DDIAS: variants seen among roughly 807,000 people sequenced by gnomAD.
DDIAS encodes the protein DNA damage-induced apoptosis suppressor protein.
A neutral mutation model predicts 15.7 loss-of-function variants in DDIAS; 14 were observed. The ratio of observed to expected loss-of-function variants is 0.89; its 90% CI spans 0.59 to 1.39. The LOEUF is 1.39. Among genes scored for constraint, DDIAS ranks in the 40% most tolerant of loss-of-function variants. The pLI is 0.00. For missense variants in DDIAS, 1,035 were observed against 1,130.9 expected, an observed-to-expected ratio of 0.92 and a Z score of 1.22; for synonymous variants, 355 against 395.9, an observed-to-expected ratio of 0.90 and a Z score of 1.23.
intron 3 of DDIAS, among the ~76,000 whole-genome samples, chr11:82,919,513 A>G (rs1039200857): frequency 6.6e-6 from 1 of 152,186 alleles, no homozygotes; most frequent in Non-Finnish European, 1.5e-5. Context: ...TATTTTGTTA[A>G]GGATTTTAGC....
intron 3 of DDIAS, among the ~76,000 whole-genome samples, chr11:82,925,985 CA>C (rs35097776): frequency 0.49 from 66,969 of 135,866 alleles, 14,958 homozygotes; most frequent in Admixed American, 0.55. Context: ...GACACTGTCT[CA>C]AAAAAAAAAA....
At chr11:82,927,374 G>A (rs1402284417) in intron 3 of DDIAS, among the ~76,000 whole-genome samples, 1 of 151,556 alleles carries the variant, frequency 6.6e-6, no homozygotes, top group Non-Finnish European at 1.5e-5. Flanking sequence ...ATATGAATGG[G>A]TTGGTATAGA....
chr11:82,926,319 G>A lies in DDIAS; in HGVS notation c.114-2458G>A, dbSNP rs574490975. ...TCCCAGGCTGGACTCGAACTCCTGA[G>A]CTTGAGTGGTCTGCCCGCCACAGCC... On this transcript the variant is annotated intron_variant, in intron 3 of 5. Coordinates refer to ENST00000533655, the MANE Select transcript of DDIAS (RefSeq NM_145018.4). Among the ~76,000 whole-genome samples, 16 of 152,022 alleles carry A rather than the reference G, an allele frequency of 1.1e-4. No homozygotes were observed. The South Asian group carries it at 3.3e-3, about 32-fold the overall frequency.
Position 82,932,239 on chromosome 11 carries a change from T to A in DDIAS, c.901T>A (p.Tyr301Asn). 6.2e-7 allele frequency: 1 copy of A among 1,613,744 alleles called. No individual in the cohort carries two copies. Among genetic ancestry groups the A allele is most frequent in the South Asian group, 1.1e-5 (1 of 91,008 alleles). ...PIQDSWSLVS[Y>N]MDKKSTAEKL... The stretch of plus-strand genomic sequence containing the variant: ...TCAGGATTCATGGAGCCTTGTTTCA[T>A]ATATGGATAAAAAGAGTACAGCAGA... Residue 301 changes from tyrosine to asparagine, a missense_variant, in exon 6 of 6, where the codon TAT becomes AAT. Coordinates refer to ENST00000533655, the MANE Select transcript of DDIAS (RefSeq NM_145018.4).
chr11:82,929,019 G>A (rs1173822270), intron 4 of DDIAS, 81 bp downstream of exon 4: 6 of 1,459,154 alleles, frequency 4.1e-6, no homozygotes, highest in Non-Finnish European at 4.6e-6. Context: ...ATGCATTTTT[G>A]TAGAAAGATA....
intron 3 of DDIAS, among the ~76,000 whole-genome samples, chr11:82,928,479 G>A (rs1352370409): frequency 1.3e-5 from 2 of 152,078 alleles, no homozygotes; most frequent in African/African-American, 4.8e-5. Flanking sequence ...GATTACAGGT[G>A]TGAACCACCG....
chr11:82,916,709 C>A (rs1860639093), intron 3 of DDIAS, among the ~76,000 whole-genome samples: 1 of 152,150 alleles, frequency 6.6e-6, no homozygotes, highest in African/African-American at 2.4e-5. Flanking sequence ...ACAGTAGGCA[C>A]TGTGCTAGGA....
intron 3 of DDIAS, among the ~76,000 whole-genome samples, chr11:82,923,915 G>A (rs1860807262): frequency 6.6e-6 from 1 of 152,182 alleles, no homozygotes; most frequent in South Asian, 2.1e-4. Flanking sequence ...CAGATTATAA[G>A]CTGGAGAAGG....
Position 82,931,945 on chromosome 11 carries a change from C to CA in DDIAS, c.608dup (p.His203GlnfsTer10), listed in dbSNP as rs767971389. 1 of 1,614,082 alleles carries CA rather than the reference C, an allele frequency of 6.2e-7. No homozygotes were observed. Among genetic ancestry groups the CA allele is most frequent in the Non-Finnish European group, 8.5e-7 (1 of 1,179,952 alleles). On this transcript the variant is annotated frameshift_variant, in exon 6 of 6. Transcript: ENST00000533655. LOFTEE classifies it low-confidence loss of function (END_TRUNC). ...GTGTGACTCTCAGGCACCTAACAAT[C>CA]ACTTACTTGCTTTAGATCACTCAAA...
intron 3 of DDIAS, among the ~76,000 whole-genome samples, chr11:82,921,652 A>G (rs1860755799): frequency 7.6e-6 from 1 of 131,620 alleles, no homozygotes; most frequent in Non-Finnish European, 1.5e-5. Flanking sequence ...ATCTCGTCTC[A>G]CTGCACCCTC....
chr11:82,928,264 T>A lies in DDIAS; in HGVS notation c.114-513T>A, dbSNP rs1860910258. On this transcript the variant is annotated intron_variant, in intron 3 of 5. Coordinates refer to ENST00000533655, the MANE Select transcript of DDIAS (RefSeq NM_145018.4). ...CCCAGGCTGTAGTGCAGTGGTGCGATCTTGGCTGACTGCAAGATCCACCTC... is the reference window on the plus strand; with the variant it reads ...CCCAGGCTGTAGTGCAGTGGTGCGAACTTGGCTGACTGCAAGATCCACCTC... Among the ~76,000 whole-genome samples the A allele has an allele frequency of 2.2e-5, 3 of 137,106 alleles. 1 individual carries two copies. In the South Asian group the frequency reaches 7.5e-4, roughly 34 times the overall value. 89.9% of individuals were successfully genotyped at this position (137,106 alleles called of 152,430 possible).
Position 82,932,737 on chromosome 11 carries a change from A to G in DDIAS, c.1399A>G (p.Arg467Gly). ...CAGCAGGTTATCTGTGACTCCCCAGAGAACTACTGGAGCCCTGCATACACC... is the reference window on the plus strand; with the variant it reads ...CAGCAGGTTATCTGTGACTCCCCAGGGAACTACTGGAGCCCTGCATACACC... ...DHSRLSVTPQ[R>G]TTGALHTPPI... The change falls in exon 6 of 6, where the codon AGA becomes GGA. Residue 467 changes from arginine (R) to glycine (G), a missense_variant. Arg to Gly is a moderately radical substitution (Grantham distance 125, BLOSUM62 -2). Transcript: ENST00000533655. The G allele has an allele frequency of 1.2e-6, 2 of 1,614,084 alleles. No individual in the cohort carries two copies. The highest frequency in any genetic ancestry group is 1.1e-5 in the South Asian group (1 of 91,082).
chr11:82,929,294 T>G lies in DDIAS; in HGVS notation c.275+356T>G, dbSNP rs555106516. Among the ~76,000 whole-genome samples the G allele has an allele frequency of 8.4e-4, 128 of 152,334 alleles. 1 individual carries two copies. The highest frequency in any genetic ancestry group is 3.1e-3 in the Admixed American group (48 of 15,298). On this transcript the variant is annotated intron_variant, in intron 4 of 5. Transcript: ENST00000533655. ...GTTCCCCTGAGGCAGAAGAATCTAT[T>G]TGAGGGAATATTTGCATTTCAGAAA...
chr11:82,919,095 CTT>C (rs1328445664), intron 3 of DDIAS, among the ~76,000 whole-genome samples: 2 of 152,108 alleles, frequency 1.3e-5, no homozygotes, highest in Non-Finnish European at 2.9e-5. Flanking sequence ...CTTTCTTTCT[CTT>C]GTCTGATTGC....
chr11:82,917,679 A>G (rs1440792642), intron 3 of DDIAS, among the ~76,000 whole-genome samples: 1 of 152,162 alleles, frequency 6.6e-6, no homozygotes, highest in Non-Finnish European at 1.5e-5. Flanking sequence ...GGATTGCTGG[A>G]TCAAATAGTA....
chr11:82,912,336 ACTTAT>A (rs1189257717), intron 1 of DDIAS, among the ~76,000 whole-genome samples: 7 of 152,170 alleles, frequency 4.6e-5, no homozygotes, highest in Non-Finnish European at 8.8e-5. Flanking sequence ...GTTAAGATCT[ACTTAT>A]CTTAACTAGA....
intron 3 of DDIAS, among the ~76,000 whole-genome samples, chr11:82,923,648 G>T (rs976068238): frequency 6.6e-6 from 1 of 152,188 alleles, no homozygotes; most frequent in Non-Finnish European, 1.5e-5. Context: ...AGGGAGATGG[G>T]ATTAGAGTAG....
Position 82,933,542 on chromosome 11 carries a change from C to G in DDIAS, c.2204C>G (p.Ser735Cys), listed in dbSNP as rs374985753. Residue 735 changes from serine (S) to cysteine (C), a missense_variant, in exon 6 of 6, where the codon TCC (serine) becomes TGC (cysteine). Coordinates refer to ENST00000533655, the MANE Select transcript of DDIAS (RefSeq NM_145018.4). ...TTCATCCAGCCTTCACAAAAATTAT[C>G]CTTGCAAAGCCTATCTGACTCTAGG... ...EDFIQPSQKL[S>C]LQSLSDSRHS... is the part of the protein sequence containing the mutation. The G allele has an allele frequency of 8.7e-6, 14 of 1,613,962 alleles. No individual in the cohort carries two copies. The highest frequency in any genetic ancestry group is 1.3e-5 in the African/African-American group (1 of 74,920).
Position 82,932,938 on chromosome 11 carries a change from T to C in DDIAS, c.1600T>C (p.Leu534=). Residue 534 remains leucine, a synonymous_variant, in exon 6 of 6, where the codon TTA becomes CTA. Coordinates refer to ENST00000533655, the MANE Select transcript of DDIAS (RefSeq NM_145018.4). ...TGGAAGAGATATGTCAGAATATTTT[T>C]TACCGAATCCTTACCTGTCAGCTCT... The part of the protein sequence containing the change: ...HNGRDMSEYF[L]PNPYLSALSS... 1.2e-6 allele frequency: 2 copies of C among 1,612,142 alleles called. No homozygotes were observed. Among genetic ancestry groups the C allele is most frequent in the Non-Finnish European group, 1.7e-6 (2 of 1,179,042 alleles).
Sources: allele counts gnomAD v4.1 joint callset (sites outside exome capture counted in the v4.1 genomes callset), GRCh38; gene constraint gnomAD v4.1.1; transcripts MANE v1.5; gene names NCBI Gene and HGNC (gene_info 2026-07-23, HGNC 2026-07-21).